The following HDX variants were observed in gnomAD, a reference collection of about 807,000 sequenced individuals.
The protein encoded by HDX is highly divergent homeobox, also known as chromosome X open reading frame 43.
In HDX, 19 loss-of-function variants were observed where a neutral mutation model predicts 45.2. The observed-to-expected ratio is 0.42, with a 90% confidence interval of 0.29 to 0.62. The LOEUF (loss-of-function observed/expected upper bound fraction) is 0.62, where lower values mean the gene tolerates loss of function less well. HDX is among the 20% of genes least tolerant of loss of function. The pLI is 0.20. For missense variants in HDX, 532 were observed against 493.9 expected, an observed-to-expected ratio of 1.08 and a Z score of -0.73; for synonymous variants, 188 against 172.8, an observed-to-expected ratio of 1.09 and a Z score of -0.69.
intron 3 of HDX, among the ~76,000 whole-genome samples, chrX:84,473,662 A>G (rs2040492645): frequency 9.0e-6 from 1 of 111,359 alleles, no homozygotes. Context: ...CAAGTAAGTT[A>G]TGAGAAGTTT....
chrX:84,397,059 C>T (rs2038584065), intron 5 of HDX, among the ~76,000 whole-genome samples: 1 of 112,243 alleles, frequency 8.9e-6, no homozygotes, highest in Admixed American at 9.4e-5. Context: ...TCTTTGCTCA[C>T]ACTTTGTCTC....
At chrX:84,386,159 T>C (rs749357364) in intron 5 of HDX, among the ~76,000 whole-genome samples, 112 of 111,799 alleles carry the variant, frequency 1.0e-3, no homozygotes, top group African/African-American at 3.4e-3. Flanking sequence ...TCACATTCAT[T>C]GATTTATGTA....
intron 8 of HDX, among the ~76,000 whole-genome samples, chrX:84,336,261 A>C: frequency 9.0e-6 from 1 of 111,306 alleles, no homozygotes; most frequent in Admixed American, 9.6e-5. Context: ...TTTGCTATTC[A>C]AACATTTAAT....
intron 2 of HDX, among the ~76,000 whole-genome samples, chrX:84,483,313 T>C (rs1395822051): frequency 8.9e-6 from 1 of 112,349 alleles, no homozygotes; most frequent in Non-Finnish European, 1.9e-5. Context: ...GCTCCACCCA[T>C]GCAGCAAATG....
chrX:84,456,714 A>G (rs2040119950), intron 4 of HDX, among the ~76,000 whole-genome samples: 1 of 111,556 alleles, frequency 9.0e-6, no homozygotes, highest in Non-Finnish European at 1.9e-5. Flanking sequence ...ATCAAAGAAA[A>G]GCAAGAATAG....
intron 5 of HDX, among the ~76,000 whole-genome samples, chrX:84,424,595 A>G (rs1275576693): frequency 9.0e-6 from 1 of 111,701 alleles, no homozygotes; most frequent in Non-Finnish European, 1.9e-5. Context: ...AGAGCATGTT[A>G]CTGGCATAAG....
At chrX:84,420,630 G>C (rs2039232336) in intron 5 of HDX, among the ~76,000 whole-genome samples, 1 of 111,375 alleles carries the variant, frequency 9.0e-6, no homozygotes, top group Admixed American at 9.5e-5. Flanking sequence ...CAATATCCAA[G>C]TGCAAAAAGA....
At chrX:84,369,612 C>T (rs1324661413) in intron 5 of HDX, among the ~76,000 whole-genome samples, 1 of 111,884 alleles carries the variant, frequency 8.9e-6, no homozygotes, top group African/African-American at 3.2e-5. Context: ...TGTTTTTGCA[C>T]CTCTGTGTGT....
chrX:84,359,449 T>A (rs1452061592), intron 6 of HDX, among the ~76,000 whole-genome samples: 1 of 110,925 alleles, frequency 9.0e-6, no homozygotes, highest in Non-Finnish European at 1.9e-5. Flanking sequence ...GGGGTTTGGT[T>A]TTCTGTTCCT....
intron 6 of HDX, among the ~76,000 whole-genome samples, chrX:84,346,976 A>G (rs1191969900): frequency 1.8e-5 from 2 of 111,218 alleles, no homozygotes; most frequent in African/African-American, 3.3e-5. Context: ...ATCTCCATGG[A>G]ATATCTCTCC....
intron 6 of HDX, among the ~76,000 whole-genome samples, chrX:84,354,993 A>G (rs997528119): frequency 7.1e-5 from 7 of 99,006 alleles, no homozygotes; most frequent in African/African-American, 2.2e-4. Flanking sequence ...ACACACACGC[A>G]CACACACACA....
chrX:84,353,231 T>A (rs766351857), intron 6 of HDX, among the ~76,000 whole-genome samples: 25 of 111,831 alleles, frequency 2.2e-4, no homozygotes, highest in Non-Finnish European at 4.5e-4. Flanking sequence ...TTTTACAGAA[T>A]CATGGATAAC....
At chrX:84,385,255 C>T (rs1235437175) in intron 5 of HDX, among the ~76,000 whole-genome samples, 1 of 74,224 alleles carries the variant, frequency 1.3e-5, no homozygotes, top group East Asian at 5.0e-4. Context: ...GCTCTGTCGC[C>T]CAGGCTGGAG....
chrX:84,470,653 A>G (rs2040437575), intron 3 of HDX, among the ~76,000 whole-genome samples: 1 of 111,598 alleles, frequency 9.0e-6, no homozygotes, highest in Non-Finnish European at 1.9e-5. Flanking sequence ...TAATAAAAAT[A>G]ATACTAGTGG....
Position 84,412,993 on chromosome X carries a change from A to C in HDX, c.1305+27539T>G, listed in dbSNP as rs747182616. 5.4e-5 allele frequency among the ~76,000 whole-genome samples: 6 copies of C among 111,941 alleles called. No individual in the cohort carries two copies. The South Asian group carries it at 2.2e-3, about 42-fold the overall frequency. On this transcript the variant is annotated intron_variant, in intron 5 of 10. Transcript: ENST00000373177. The stretch of plus-strand genomic sequence containing the variant: ...TTCTTGAAGTGAGTTTTTCAGCTCT[A>C]TCAGGTCAGTTTGGTTCTTTCTTAA...
chrX:84,390,436 G>T (rs1323404754), intron 5 of HDX, among the ~76,000 whole-genome samples: 6 of 111,241 alleles, frequency 5.4e-5, no homozygotes, highest in African/African-American at 2.0e-4. Flanking sequence ...ATTTTATCAC[G>T]TTCTGAAAAT....
At chrX:84,348,544 T>C (rs2037259102) in intron 6 of HDX, among the ~76,000 whole-genome samples, 1 of 111,875 alleles carries the variant, frequency 8.9e-6, no homozygotes, top group Non-Finnish European at 1.9e-5. Flanking sequence ...TTTTTTGCCT[T>C]TTGTTATGCC....
intron 2 of HDX, among the ~76,000 whole-genome samples, chrX:84,478,817 C>CCA (rs1356599770): frequency 9.0e-6 from 1 of 110,985 alleles, no homozygotes; most frequent in Non-Finnish European, 1.9e-5. Context: ...TATGACTGCA[C>CCA]CATTGCACTC....
At chrX:84,406,983 A>G (rs1738452494) in intron 5 of HDX, among the ~76,000 whole-genome samples, 1 of 111,465 alleles carries the variant, frequency 9.0e-6, no homozygotes, top group Non-Finnish European at 1.9e-5. Context: ...AACAGAACTT[A>G]TCACTTGATT....
Sources: allele counts gnomAD v4.1 joint callset (sites outside exome capture counted in the v4.1 genomes callset), GRCh38; gene constraint gnomAD v4.1.1; transcripts MANE v1.5; gene names NCBI Gene and HGNC (gene_info 2026-07-23, HGNC 2026-07-21).